The following TECPR2 variants were observed in gnomAD, a reference collection of about 807,000 sequenced individuals.
The protein encoded by TECPR2 is tectonin beta-propeller repeat containing 2, also known as tectonin beta-propeller repeat-containing protein 2.
TECPR2 carries 65 observed loss-of-function variants against 138.1 expected under a neutral mutation model. The observed-to-expected ratio is 0.47, with a 90% CI of 0.39 to 0.58. TECPR2 has a LOEUF of 0.58. Among genes scored for constraint, TECPR2 ranks in the 20% least tolerant of loss-of-function variants. The probability of loss-of-function intolerance (pLI) is 0.00; values close to 1 mark genes in which losing one functional copy is unlikely to be tolerated. For missense variants in TECPR2, 1,553 were observed against 1,824.5 expected (o/e 0.85, Z 2.71); for synonymous variants, 746 against 749.8 (o/e 0.99, Z 0.08).
rs202049226 is a variant in TECPR2 at position 102,443,759 on chromosome 14, C to G, written c.2865C>G (p.Ala955=). The change falls in exon 12 of 20, where the codon GCC becomes GCG. Residue 955 remains alanine (A), a synonymous_variant. Transcript: ENST00000359520. This position sits in a 1 kb window ranked among gnomAD's most constrained non-coding sequence, Gnocchi z 4.9. ...NVVWALTEQR[A]LLYREGVSSF... The stretch of plus-strand genomic sequence containing the variant: ...TGTGGGCGCTGACAGAGCAGAGGGC[C>G]CTCCTGTACCGGGAGGGCGTGAGCA... 3.7e-6 allele frequency: 6 copies of G among 1,610,740 alleles called. No homozygotes were observed. Among genetic ancestry groups the G allele is most frequent in the Non-Finnish European group, 5.1e-6 (6 of 1,177,620 alleles).
rs373163345 is a variant in TECPR2, at chr14:102,438,134, C to T, written c.2507C>T (p.Ala836Val). The T allele has an allele frequency of 1.5e-5, 24 of 1,613,746 alleles. No individual in the cohort carries two copies. Among genetic ancestry groups the T allele is most frequent in the East Asian group, 4.5e-5 (2 of 44,876 alleles). ...LDYKGGLFCSALPGAGLRWQK... is the reference protein window; with the variant it reads ...LDYKGGLFCSVLPGAGLRWQK... ...TACAAAGGCGGCCTGTTCTGCAGCG[C>T]GTTGCCGGGCGCCGGGCTGCGCTGG... Residue 836 changes from alanine to valine, a missense_variant, in exon 10 of 20, where the codon GCG becomes GTG. Physicochemically the swap from Ala to Val is moderately conservative, Grantham distance 64 (BLOSUM62 0). Transcript: ENST00000359520.
At chr14:102,450,759 A>G in intron 15 of TECPR2, 110 bp downstream of exon 15, 1 of 1,081,266 alleles carries the variant, frequency 9.2e-7, no homozygotes, top group Non-Finnish European at 1.4e-6. Flanking sequence ...TGCCTCGGAG[A>G]CTGACCACGT....
chr14:102,394,265 A>G (rs954403509), intron 2 of TECPR2, among the ~76,000 whole-genome samples: 1 of 152,136 alleles, frequency 6.6e-6, no homozygotes, highest in Non-Finnish European at 1.5e-5. Flanking sequence ...AGAGTGTCAC[A>G]TTTGTGTGTG....
intron 17 of TECPR2, among the ~76,000 whole-genome samples, chr14:102,482,047 G>GC (rs1555454687): frequency 6.6e-6 from 1 of 150,806 alleles, no homozygotes; most frequent in East Asian, 2.0e-4. Flanking sequence ...TGCTCATCTA[G>GC]TTTTTTTTCT....
In TECPR2 at chr14:102,434,703, A is replaced by G; in HGVS notation, c.1886A>G (p.Asp629Gly). The part of the protein sequence containing the change: ...DSSPGAHDGE[D>G]IQPIGPQSTF... ...TCTCCTGGGGCGCATGATGGGGAAGACATCCAACCCATTGGCCCCCAAAGC... is the reference window on the plus strand; with the variant it reads ...TCTCCTGGGGCGCATGATGGGGAAGGCATCCAACCCATTGGCCCCCAAAGC... Residue 629 changes from aspartate (D) to glycine (G), a missense_variant, in exon 9 of 20, where the codon GAC (aspartate) becomes GGC (glycine). Transcript: ENST00000359520. The G allele has an allele frequency of 1.2e-6, 2 of 1,613,640 alleles. No homozygotes were observed. Among genetic ancestry groups the G allele is most frequent in the Non-Finnish European group, 1.7e-6 (2 of 1,179,884 alleles).
intron 16 of TECPR2, among the ~76,000 whole-genome samples, chr14:102,454,269 C>T (rs1216156364): frequency 6.6e-6 from 1 of 152,168 alleles, no homozygotes; most frequent in Admixed American, 6.5e-5. Flanking sequence ...CTTGCCATTC[C>T]GTAAAGCAAG....
Position 102,499,007 on chromosome 14 carries a change from A to C in TECPR2, c.*750A>C, listed in dbSNP as rs1390374999. Reference sequence around the variant, plus strand: ...CCCACACCGCACTGCACCGCACCGCACCGCACCGTACCTCGCCACATCTCA... The same window carrying C: ...CCCACACCGCACTGCACCGCACCGCCCCGCACCGTACCTCGCCACATCTCA... On this transcript the variant is annotated 3_prime_UTR_variant, in exon 20 of 20. Coordinates refer to ENST00000359520, the MANE Select transcript of TECPR2 (RefSeq NM_014844.5). 1 of 698,100 alleles carries C rather than the reference A, an allele frequency of 1.4e-6. No homozygotes were observed. The highest frequency in any genetic ancestry group is 2.7e-5 in the East Asian group (1 of 36,814). The allele number at this position is 698,100 out of a possible 1,614,324, so 43.2% of individuals were successfully genotyped here.
intron 17 of TECPR2, among the ~76,000 whole-genome samples, chr14:102,466,426 C>T (rs938774902): frequency 3.9e-5 from 6 of 152,170 alleles, no homozygotes; most frequent in Admixed American, 3.3e-4. Context: ...CCTCTGCACA[C>T]GGTGACGTAC....
intron 17 of TECPR2, among the ~76,000 whole-genome samples, chr14:102,476,068 G>A (rs573171723): frequency 3.9e-5 from 6 of 152,070 alleles, no homozygotes; most frequent in Admixed American, 1.3e-4. Context: ...TTAGCCAAGC[G>A]TGGTGGCACA....
chr14:102,371,440 G>A (rs1411526499), intron 1 of TECPR2, among the ~76,000 whole-genome samples: 2 of 152,170 alleles, frequency 1.3e-5, no homozygotes, highest in East Asian at 3.8e-4. Context: ...TCTGAATGGT[G>A]GGTGAAGGAC....
rs2139731305 is a variant in TECPR2, at chr14:102,434,750, C to T, written c.1933C>T (p.Leu645=). ...AAGCACTTTTTGTGAAGTCCCCCTCCTGAACTCACTCACTGTGCCTTCCAG... is the reference window on the plus strand; with the variant it reads ...AAGCACTTTTTGTGAAGTCCCCCTCTTGAACTCACTCACTGTGCCTTCCAG... The part of the protein sequence containing the change: ...PQSTFCEVPL[L]NSLTVPSSLS... The change falls in exon 9 of 20, where the codon CTG becomes TTG. Residue 645 remains leucine (L), a synonymous_variant. Transcript: ENST00000359520. 1 of 1,613,612 alleles carries T rather than the reference C, an allele frequency of 6.2e-7. No individual in the cohort carries two copies.
intron 16 of TECPR2, among the ~76,000 whole-genome samples, chr14:102,461,011 A>T (rs565432874): frequency 6.6e-6 from 1 of 151,484 alleles, no homozygotes; most frequent in Non-Finnish European, 1.5e-5. Flanking sequence ...TTTTTTTTTT[A>T]AATACAGCTT....
At chr14:102,445,703 C>T (rs1889956055) in intron 12 of TECPR2, 103 bp from the exon 13 acceptor site, 4 of 1,439,154 alleles carry the variant, frequency 2.8e-6, no homozygotes, top group Non-Finnish European at 3.7e-6. Context: ...CACGTCTCTT[C>T]TCCCAGCCAC....
At chr14:102,446,492 G>A (rs191751964) in intron 13 of TECPR2, among the ~76,000 whole-genome samples, 24 of 152,230 alleles carry the variant, frequency 1.6e-4, no homozygotes, top group East Asian at 3.9e-4. Flanking sequence ...CCAACTACTC[G>A]GAAGGCTGAG....
intron 1 of TECPR2, among the ~76,000 whole-genome samples, chr14:102,363,838 A>G (rs762105): frequency 0.26 from 40,027 of 152,068 alleles, 6,150 homozygotes; most frequent in East Asian, 0.49. Context: ...TGTAAAGTTA[A>G]GCACGGTGCC....
chr14:102,443,383 G>A lies in TECPR2; in HGVS notation c.2753-264G>A, dbSNP rs902870338. Among the ~76,000 whole-genome samples the A allele has an allele frequency of 1.6e-4, 24 of 152,214 alleles. No individual in the cohort carries two copies. The highest frequency in any genetic ancestry group is 4.8e-4 in the African/African-American group (20 of 41,458). On this transcript the variant is annotated intron_variant, in intron 11 of 19. Transcript: ENST00000359520. This position sits in a 1 kb window ranked among gnomAD's most constrained non-coding sequence, Gnocchi z 4.9. ...AACAAAAAAGCGGCCGGACAGGGCA[G>A]CTCCTGCCTGTAATCCCAGCACTTT...
Position 102,408,564 on chromosome 14 carries a change from T to C in TECPR2, c.425T>C (p.Leu142Ser). ...GCTTGGAGCCCCAATGGAATGAAAT[T>C]GTTCTCTGGAGATGACAAAGGCAAA... ...ALAWSPNGMK[L>S]FSGDDKGKIV... The change falls in exon 4 of 20, where the codon TTG (leucine) becomes TCG (serine). Residue 142 changes from leucine (L) to serine (S), a missense_variant. By Grantham distance (145) the Leu-to-Ser change is moderately radical. Transcript: ENST00000359520. 1 of 1,613,696 alleles carries C rather than the reference T, an allele frequency of 6.2e-7. No individual in the cohort carries two copies. Among genetic ancestry groups the C allele is most frequent in the Non-Finnish European group, 8.5e-7 (1 of 1,179,900 alleles).
In TECPR2 at chr14:102,434,910, G is replaced by A. The variant is rs2139731631; in HGVS notation, c.2093G>A (p.Trp698Ter). Reference protein sequence around the residue: ...EASGHLSTNLWHAVTDDDTGQ... With the variant: ...EASGHLSTNL ...TCTGGCCACCTCAGCACAAATCTCTGGCATGCTGTCACTGATGATGACACA... is the reference window on the plus strand; with the variant it reads ...TCTGGCCACCTCAGCACAAATCTCTAGCATGCTGTCACTGATGATGACACA... The change falls in exon 9 of 20, where the codon TGG (tryptophan) becomes TAG (stop). Residue 698 changes from tryptophan to a stop codon, truncating the protein, a stop_gained. Transcript: ENST00000359520. LOFTEE classifies it high-confidence loss of function. 4 of 1,613,732 alleles carry A rather than the reference G, an allele frequency of 2.5e-6. No homozygotes were observed. The highest frequency in any genetic ancestry group is 3.4e-6 in the Non-Finnish European group (4 of 1,180,042).
rs146073141 is a variant in TECPR2, at chr14:102,401,329, C to T, written c.220-6009C>T. ...TGGTGCATGCCTGTAATCCCAGCTA[C>T]CCAGGAGGCTGAGGCAGGAGAAATG... On this transcript the variant is annotated intron_variant, in intron 2 of 19. Coordinates refer to ENST00000359520, the MANE Select transcript of TECPR2 (RefSeq NM_014844.5). 2.3e-3 allele frequency among the ~76,000 whole-genome samples: 342 copies of T among 151,480 alleles called. 1 individual carries two copies. Among genetic ancestry groups the T allele is most frequent in the African/African-American group, 8.0e-3 (330 of 41,284 alleles).
Sources: allele counts gnomAD v4.1 joint callset (sites outside exome capture counted in the v4.1 genomes callset), GRCh38; gene constraint gnomAD v4.1.1; non-coding constraint Gnocchi (gnomAD v3.1); transcripts MANE v1.5; gene names NCBI Gene and HGNC (gene_info 2026-07-23, HGNC 2026-07-21).